The following DUSP18 variants were observed in gnomAD, a reference collection of about 807,000 sequenced individuals.
DUSP18 encodes dual specificity protein phosphatase 18.
A neutral mutation model predicts 6.3 loss-of-function variants in DUSP18; 4 were observed. The observed-to-expected ratio is 0.63, with a 90% confidence interval of 0.31 to 1.45. The LOEUF is 1.45. Among genes scored for constraint, DUSP18 ranks in the 40% most tolerant of loss-of-function variants. The pLI is 0.07. For synonymous variants in DUSP18, 96 were observed against 95.1 expected (o/e 1.01, Z -0.05); for missense variants, 235 against 247.7 (o/e 0.95, Z 0.34).
chr22:30,655,429 CAAAAA>C (rs5844917), intron 2 of DUSP18, among the ~76,000 whole-genome samples: 1 of 111,676 alleles, frequency 9.0e-6, no homozygotes, highest in Non-Finnish European at 1.8e-5. Context: ...GAGATCCTAC[CAAAAA>C]AAAAAAAAAA....
chr22:30,659,195 T>A (rs968814394), downstream of DUSP18, among the ~76,000 whole-genome samples: 1 of 148,874 alleles, frequency 6.7e-6, no homozygotes, highest in Admixed American at 6.7e-5. Flanking sequence ...AGGAGACAGA[T>A]GAGGATCGAA....
downstream of DUSP18, among the ~76,000 whole-genome samples, chr22:30,658,581 C>G (rs533257122): frequency 2.6e-5 from 4 of 151,932 alleles, no homozygotes; most frequent in South Asian, 6.2e-4. Context: ...GGGTGCGTAA[C>G]AAGCAGGGAG....
chr22:30,665,638 C>T, intron 1 of DUSP18: 3 of 441,192 alleles, frequency 6.8e-6, no homozygotes, highest in Non-Finnish European at 1.4e-5. Flanking sequence ...CTTTCTTAGC[C>T]CTATGTTCTC....
downstream of DUSP18, among the ~76,000 whole-genome samples, chr22:30,659,740 C>CT (rs2088421681): frequency 6.6e-6 from 1 of 152,154 alleles, no homozygotes; most frequent in African/African-American, 2.4e-5. Flanking sequence ...GTGAATGTTA[C>CT]TTTATATGAC....
At chr22:30,656,537 T>G (rs749064042), downstream of DUSP18, among the ~76,000 whole-genome samples, 6 of 152,210 alleles carry the variant, frequency 3.9e-5, no homozygotes, top group African/African-American at 7.2e-5. Flanking sequence ...TAAAGGTTCA[T>G]GTAATCAAAA....
downstream of DUSP18, among the ~76,000 whole-genome samples, chr22:30,659,900 AGT>A (rs2088424556): frequency 1.3e-5 from 2 of 152,236 alleles, no homozygotes; most frequent in African/African-American, 2.4e-5. Context: ...AAGTATTTAA[AGT>A]GTGAGAAGAA....
At position 30,663,526 on chromosome 22, in the gene DUSP18, C is replaced by T. The variant is rs770796583; in HGVS notation, c.478G>A (p.Gly160Ser). The T allele has an allele frequency of 6.8e-6, 11 of 1,614,046 alleles. No individual in the cohort carries two copies. The highest frequency in any genetic ancestry group is 9.3e-6 in the Non-Finnish European group (11 of 1,180,026). ...QLIHYEFQLFGKNTVHMVSSP... is the reference protein window; with the variant it reads ...QLIHYEFQLFSKNTVHMVSSP... ...CTGACCATGTGCACAGTGTTCTTGC[C>T]AAACAATTGGAACTCATAGTGGATG... Residue 160 changes from glycine to serine, a missense_variant, in exon 2 of 2, where the codon GGC (glycine) becomes AGC (serine). Transcript: ENST00000334679.
chr22:30,655,466 G>C (rs1420411277), intron 2 of DUSP18, among the ~76,000 whole-genome samples: 3 of 147,794 alleles, frequency 2.0e-5, no homozygotes, highest in African/African-American at 7.5e-5. Context: ...AAAAAAAGAA[G>C]CCACTAGCCT....
In DUSP18 at chr22:30,664,094, G is replaced by A. The variant is rs2088570132; in HGVS notation, c.-77-14C>T. ...GTCCATGGAAAACTGCAGAGAGGGA[G>A]AGGATGTTTAGAGGGCAGGTGCCCA... On this transcript the variant is annotated splice_polypyrimidine_tract_variant and intron_variant, in intron 1 of 1. Transcript: ENST00000334679. The A allele has an allele frequency of 7.6e-7, 1 of 1,314,628 alleles. No homozygotes were observed. Among genetic ancestry groups the A allele is most frequent in the Non-Finnish European group, 1.0e-6 (1 of 955,572 alleles). The allele number at this position is 1,314,628 out of a possible 1,614,324, so 81.4% of individuals were successfully genotyped here. A position where few individuals can be genotyped will look rare whatever the true frequency, so the allele number is the denominator to read the frequency against.
At chr22:30,661,279 C>T (rs2088458692), downstream of DUSP18, among the ~76,000 whole-genome samples, 1 of 151,984 alleles carries the variant, frequency 6.6e-6, no homozygotes, top group African/African-American at 2.4e-5. Context: ...AAATCTAAAA[C>T]TTTTTGAGAG....
chr22:30,655,449 GAA>G (rs960262091), intron 2 of DUSP18, among the ~76,000 whole-genome samples: 2 of 119,278 alleles, frequency 1.7e-5, no homozygotes, highest in African/African-American at 6.2e-5. Flanking sequence ...AAAAAAAAAA[GAA>G]AAAGAAAAAA....
At chr22:30,659,459 C>T (rs563761268), downstream of DUSP18, among the ~76,000 whole-genome samples, 616 of 152,144 alleles carry the variant, frequency 4.0e-3, 1 homozygote, top group Middle Eastern at 0.02. Flanking sequence ...CTGCAACCTC[C>T]GCCTCCTGGG....
intron 2 of DUSP18, among the ~76,000 whole-genome samples, chr22:30,656,044 TTGAC>T (rs2088332779): frequency 1.3e-5 from 2 of 151,986 alleles, no homozygotes; most frequent in African/African-American, 4.8e-5. Flanking sequence ...GCCATCATAG[TTGAC>T]TGCAGCCTCA....
At chr22:30,657,386 G>A (rs909052938), downstream of DUSP18, among the ~76,000 whole-genome samples, 1 of 149,848 alleles carries the variant, frequency 6.7e-6, no homozygotes, top group Non-Finnish European at 1.5e-5. Context: ...TTGAACCCAG[G>A]AGGCGGAGGT....
chr22:30,656,345 A>T (rs935896891), intron 2 of DUSP18, among the ~76,000 whole-genome samples: 1 of 152,096 alleles, frequency 6.6e-6, no homozygotes, highest in Non-Finnish European at 1.5e-5. Flanking sequence ...GTCAAGAGCT[A>T]CCTGCCCCTG....
downstream of DUSP18, among the ~76,000 whole-genome samples, chr22:30,657,300 C>A (rs1032398710): frequency 8.3e-5 from 3 of 36,234 alleles, no homozygotes; most frequent in Non-Finnish European, 3.0e-4. Flanking sequence ...CACACACACA[C>A]ACACACAAAT....
At chr22:30,666,899 A>AT (rs2088692119) in intron 1 of DUSP18, 1 of 152,146 alleles carries the variant, frequency 6.6e-6, no homozygotes, top group Non-Finnish European at 1.5e-5. Context: ...AATGATAACT[A>AT]TTTTTCTCGC....
chr22:30,664,362 C>A (rs1334734122), intron 1 of DUSP18, among the ~76,000 whole-genome samples: 1 of 152,240 alleles, frequency 6.6e-6, no homozygotes, highest in East Asian at 1.9e-4. Context: ...GTCCCCAAGT[C>A]TGGCACTTGA....
In DUSP18 at chr22:30,663,314, C is replaced by T; in HGVS notation, c.*123G>A. On this transcript the variant is annotated 3_prime_UTR_variant, in exon 2 of 2. Coordinates refer to ENST00000334679, the MANE Select transcript of DUSP18 (RefSeq NM_152511.5). ...AGCTACAGCAACTCTTTTTTGTGCT[C>T]ATAAAAGGCATCATCTGTTTTTTTC... 1 of 952,986 alleles carries T rather than the reference C, an allele frequency of 1.0e-6. No individual in the cohort carries two copies. The highest frequency in any genetic ancestry group is 1.6e-6 in the Non-Finnish European group (1 of 645,076). The allele number at this position is 952,986 out of a possible 1,614,324, so 59.0% of individuals were successfully genotyped here.
Sources: allele counts gnomAD v4.1 joint callset (sites outside exome capture counted in the v4.1 genomes callset), GRCh38; gene constraint gnomAD v4.1.1; transcripts MANE v1.5; gene names NCBI Gene and HGNC (gene_info 2026-07-23, HGNC 2026-07-21).